PLCE1: variants seen among roughly 807,000 people sequenced by gnomAD.
The protein encoded by PLCE1 is phospholipase C epsilon 1, also known as 1-phosphatidylinositol 4,5-bisphosphate phosphodiesterase epsilon-1.
In PLCE1, 119 loss-of-function variants were observed where a neutral mutation model predicts 242.8. That is an observed-to-expected ratio of 0.49 (90% confidence interval 0.42 to 0.57). The LOEUF (loss-of-function observed/expected upper bound fraction) is 0.57, where lower values mean the gene tolerates loss of function less well. Ranked by LOEUF, PLCE1 falls within the 20% of genes least tolerant of loss-of-function variation. The pLI is 0.00. For missense variants in PLCE1, 2,441 were observed against 2,788.8 expected, an observed-to-expected ratio of 0.88 and a Z score of 2.81; for synonymous variants, 945 against 1,017.4, an observed-to-expected ratio of 0.93 and a Z score of 1.35.
rs61751500 is a variant in PLCE1, at chr10:94,284,949, A to G, written c.5019A>G (p.Gln1673=). ...PELSDLVIYC[Q]AVKFPGLSTL... Reference sequence around the variant, plus strand: ...TTTCTGACCTTGTAATCTATTGTCAAGCAGTAAAATTTCCAGGTAAGATTA... The same window carrying G: ...TTTCTGACCTTGTAATCTATTGTCAGGCAGTAAAATTTCCAGGTAAGATTA... The change falls in exon 22 of 33, where the codon CAA becomes CAG. Residue 1673 remains glutamine (Q), a synonymous_variant. Transcript: ENST00000371380. The G allele has an allele frequency of 1.9e-6, 3 of 1,597,130 alleles. No homozygotes were observed. Among genetic ancestry groups the G allele is most frequent in the Non-Finnish European group, 1.7e-6 (2 of 1,164,828 alleles).
At chr10:94,155,314 T>C (rs2136153954) in intron 3 of PLCE1, among the ~76,000 whole-genome samples, 1 of 152,332 alleles carries the variant, frequency 6.6e-6, no homozygotes, top group South Asian at 2.1e-4. Context: ...AGAAATGAAA[T>C]ATTTATACAT....
At chr10:94,198,810 G>A (rs77379735) in intron 4 of PLCE1, among the ~76,000 whole-genome samples, 1 of 152,170 alleles carries the variant, frequency 6.6e-6, no homozygotes, top group Non-Finnish European at 1.5e-5. Flanking sequence ...CATTTTGGGA[G>A]GCCAAGGTGG....
chr10:94,185,493 C>T (rs1161083314), intron 4 of PLCE1, among the ~76,000 whole-genome samples: 3 of 151,878 alleles, frequency 2.0e-5, no homozygotes, highest in Admixed American at 6.6e-5. Context: ...TGAAACTCCA[C>T]CTAAAAAGAA....
chr10:94,146,309 A>G (rs2047109058), intron 3 of PLCE1, among the ~76,000 whole-genome samples: 1 of 152,174 alleles, frequency 6.6e-6, no homozygotes, highest in African/African-American at 2.4e-5. Flanking sequence ...ACTAGTCTTG[A>G]AAATTTAGCA....
intron 4 of PLCE1, among the ~76,000 whole-genome samples, chr10:94,172,784 G>A (rs892435266): frequency 5.9e-5 from 9 of 152,276 alleles, no homozygotes; most frequent in Non-Finnish European, 1.2e-4. Context: ...CTAGGATCAC[G>A]TCATTATACT....
intron 4 of PLCE1, among the ~76,000 whole-genome samples, chr10:94,189,311 A>T (rs2048587756): frequency 6.7e-6 from 1 of 148,466 alleles, no homozygotes; most frequent in East Asian, 1.9e-4. Context: ...TATAGTACAC[A>T]TACATATAAT....
At chr10:94,086,450 T>C (rs75634223) in intron 2 of PLCE1, among the ~76,000 whole-genome samples, 144 of 152,288 alleles carry the variant, frequency 9.5e-4, no homozygotes, top group African/African-American at 3.4e-3. Flanking sequence ...TAGCAGTAAT[T>C]TGGATAATTT....
At chr10:94,181,475 C>T (rs954505344) in intron 4 of PLCE1, among the ~76,000 whole-genome samples, 12 of 151,998 alleles carry the variant, frequency 7.9e-5, no homozygotes, top group African/African-American at 2.9e-4. Flanking sequence ...ACTCGGGAGG[C>T]TGAGGCAGGA....
chr10:94,215,013 C>G (rs921171657), intron 4 of PLCE1, among the ~76,000 whole-genome samples: 5 of 152,204 alleles, frequency 3.3e-5, no homozygotes, highest in Non-Finnish European at 7.3e-5. Flanking sequence ...ACCCACCACA[C>G]TCTCACCCTC....
chr10:94,166,634 A>C (rs1360935785), intron 3 of PLCE1, among the ~76,000 whole-genome samples: 1 of 150,196 alleles, frequency 6.7e-6, no homozygotes, highest in Non-Finnish European at 1.5e-5. Flanking sequence ...CTCCTCTGCA[A>C]AGGATCCCTC....
chr10:94,137,171 C>CGACA (rs938760290), intron 3 of PLCE1, among the ~76,000 whole-genome samples: 2 of 151,988 alleles, frequency 1.3e-5, no homozygotes, highest in African/African-American at 4.8e-5. Flanking sequence ...CCAGCCTGGG[C>CGACA]GACAGAGCAA....
At chr10:94,118,013 A>G (rs2046186612) in intron 2 of PLCE1, among the ~76,000 whole-genome samples, 1 of 152,208 alleles carries the variant, frequency 6.6e-6, no homozygotes. Context: ...AAAAACCTTA[A>G]GCTCAGTAGA....
intron 1 of PLCE1, among the ~76,000 whole-genome samples, chr10:94,019,655 CA>C (rs1227794199): frequency 1.3e-5 from 2 of 152,148 alleles, no homozygotes; most frequent in Non-Finnish European, 2.9e-5. Flanking sequence ...GTGGCTAGCA[CA>C]ATGGAAGAAC....
chr10:94,165,423 C>T (rs1213984280), intron 3 of PLCE1, among the ~76,000 whole-genome samples: 1 of 152,198 alleles, frequency 6.6e-6, no homozygotes, highest in South Asian at 2.1e-4. Flanking sequence ...GTAGGACCCT[C>T]CGAGCCAGGC....
intron 19 of PLCE1, among the ~76,000 whole-genome samples, chr10:94,277,668 T>C (rs1564854045): frequency 6.6e-6 from 1 of 152,236 alleles, no homozygotes; most frequent in Non-Finnish European, 1.5e-5. Flanking sequence ...GTCAAGGCCC[T>C]TCTCTTATCA....
chr10:94,015,918 C>G (rs1171188516), intron 1 of PLCE1, among the ~76,000 whole-genome samples: 1 of 152,048 alleles, frequency 6.6e-6, no homozygotes, highest in Non-Finnish European at 1.5e-5. Flanking sequence ...TTTTATGGAC[C>G]ATTTTTACTT....
At chr10:94,029,187 TC>T (rs1017428651) in intron 1 of PLCE1, among the ~76,000 whole-genome samples, 3 of 152,146 alleles carry the variant, frequency 2.0e-5, no homozygotes, top group South Asian at 2.1e-4. Flanking sequence ...AAAAATGTTT[TC>T]CCCTTCTCCT....
At chr10:94,320,448 C>T (rs1365898241) in intron 29 of PLCE1, among the ~76,000 whole-genome samples, 3 of 152,066 alleles carry the variant, frequency 2.0e-5, no homozygotes, top group South Asian at 4.2e-4. Flanking sequence ...CCTTTCTGGC[C>T]CTGGTTGCAG....
intron 24 of PLCE1, among the ~76,000 whole-genome samples, chr10:94,301,998 G>T (rs1359968617): frequency 6.6e-6 from 1 of 152,166 alleles, no homozygotes; most frequent in Non-Finnish European, 1.5e-5. Context: ...CAAGGCAATG[G>T]TATGTTTATC....
Sources: gnomAD v4.1 joint callset for allele counts (sites outside exome capture counted in the v4.1 genomes callset) on GRCh38, gnomAD v4.1.1 for gene constraint, MANE v1.5 for transcripts, NCBI Gene and HGNC (gene_info 2026-07-23, HGNC 2026-07-21) for gene names.